The following DOCK1 variants were observed in gnomAD, a reference collection of about 807,000 sequenced individuals.
The protein encoded by DOCK1 is dedicator of cytokinesis protein 1.
DOCK1 carries 138 observed loss-of-function variants against 262.7 expected under a neutral mutation model. The ratio of observed to expected loss-of-function variants is 0.53; its 90% CI spans 0.46 to 0.61. The LOEUF is 0.61. Ranked by LOEUF, DOCK1 falls within the 20% of genes least tolerant of loss-of-function variation. The pLI is 0.00. For missense variants in DOCK1, 1,908 were observed against 2,370.7 expected (o/e 0.80, Z 4.05); for synonymous variants, 866 against 867.4 (o/e 1.00, Z 0.03).
intron 32 of DOCK1, among the ~76,000 whole-genome samples, chr10:127,361,006 G>T (rs10765002): frequency 0.54 from 81,573 of 151,480 alleles, 22,605 homozygotes; most frequent in African/African-American, 0.67. Context: ...ATCATATTCA[G>T]TATTATTCAC....
chr10:127,055,340 C>T (rs1304135965), intron 22 of DOCK1, among the ~76,000 whole-genome samples: 3 of 152,194 alleles, frequency 2.0e-5, no homozygotes, highest in African/African-American at 7.2e-5. Flanking sequence ...CCAGCATCAG[C>T]TCTGCATTCC....
At chr10:127,069,388 C>T (rs11015993) in intron 23 of DOCK1, among the ~76,000 whole-genome samples, 27,225 of 152,126 alleles carry the variant, frequency 0.18, 2,592 homozygotes, top group South Asian at 0.33. Context: ...CGAATCAGGG[C>T]CTGGAGCAAA....
intron 27 of DOCK1, among the ~76,000 whole-genome samples, chr10:127,156,847 C>T (rs1427882985): frequency 2.6e-5 from 4 of 152,160 alleles, no homozygotes; most frequent in Admixed American, 6.5e-5. Context: ...GGATTACAGG[C>T]GTGTGCCACC....
rs2065369303 is a variant in DOCK1 at position 127,374,364 on chromosome 10, G to A, written c.3675+150G>A. 5 of 1,132,056 alleles carry A rather than the reference G, an allele frequency of 4.4e-6. No homozygotes were observed. In the South Asian group the frequency reaches 5.5e-5, roughly 12 times the overall value. The allele number at this position is 1,132,056 out of a possible 1,614,324, so 70.1% of individuals were successfully genotyped here. On this transcript the variant is annotated intron_variant, in intron 35 of 51. Transcript: ENST00000623213. ...CGCTTGTTTCCTCATCTGCTGCAGGGAAGGAATCATGAAGTCGTCCACTCT... is the reference window on the plus strand; with the variant it reads ...CGCTTGTTTCCTCATCTGCTGCAGGAAAGGAATCATGAAGTCGTCCACTCT...
intron 29 of DOCK1, among the ~76,000 whole-genome samples, chr10:127,268,017 A>G (rs897852052): frequency 2.0e-5 from 3 of 152,172 alleles, no homozygotes; most frequent in Admixed American, 6.6e-5. Flanking sequence ...AAAATCGACA[A>G]TGTCCAGACA....
chr10:127,363,005 G>GTA (rs2064661550), intron 33 of DOCK1, among the ~76,000 whole-genome samples: 1 of 30,724 alleles, frequency 3.3e-5, no homozygotes, highest in African/African-American at 1.6e-4. Context: ...ACACACACAC[G>GTA]CACATCCCCA....
intron 18 of DOCK1, among the ~76,000 whole-genome samples, chr10:127,034,304 GAA>G (rs913641752): frequency 8.5e-5 from 13 of 152,084 alleles, no homozygotes; most frequent in African/African-American, 1.2e-4. Context: ...GAGAGAGAGA[GAA>G]AGAGAGAGAG....
At chr10:126,941,701 G>A (rs2035016652) in intron 1 of DOCK1, among the ~76,000 whole-genome samples, 1 of 151,970 alleles carries the variant, frequency 6.6e-6, no homozygotes, top group Non-Finnish European at 1.5e-5. Flanking sequence ...CTTGCAGTGA[G>A]CCGAGATCGT....
chr10:127,265,139 A>G (rs545309917), intron 29 of DOCK1, among the ~76,000 whole-genome samples: 2 of 152,350 alleles, frequency 1.3e-5, no homozygotes, highest in South Asian at 4.1e-4. Context: ...GTTGGTTATA[A>G]TTGGACTTGT....
At chr10:127,346,081 G>C (rs371129978) in intron 31 of DOCK1, among the ~76,000 whole-genome samples, 1 of 152,212 alleles carries the variant, frequency 6.6e-6, no homozygotes, top group African/African-American at 2.4e-5. Context: ...AGTGTCCAGC[G>C]CCCGCTATTG....
chr10:127,313,795 G>T (rs191265826), intron 29 of DOCK1, among the ~76,000 whole-genome samples: 1 of 152,222 alleles, frequency 6.6e-6, no homozygotes, highest in African/African-American at 2.4e-5. Context: ...TCGCCTGAGG[G>T]CTGAGGGATT....
chr10:127,011,954 A>G (rs1010825942), intron 11 of DOCK1, among the ~76,000 whole-genome samples: 15 of 152,112 alleles, frequency 9.9e-5, no homozygotes, highest in Admixed American at 5.9e-4. Flanking sequence ...TTTAAACACA[A>G]GAGTCTGATG....
At chr10:127,132,661 T>C (rs943801590) in intron 27 of DOCK1, among the ~76,000 whole-genome samples, 2 of 152,102 alleles carry the variant, frequency 1.3e-5, no homozygotes, top group African/African-American at 2.4e-5. Flanking sequence ...CCATTGGGTG[T>C]GTGTTTTTCC....
chr10:127,027,613 AT>A (rs5788819), intron 16 of DOCK1, among the ~76,000 whole-genome samples: 147,484 of 152,236 alleles, frequency 0.97, 71,443 homozygotes, highest in East Asian at 1. Context: ...CAAAAAAAAC[AT>A]TAAACCTTCC....
chr10:127,052,309 GAGCTC>G (rs1408768030), intron 21 of DOCK1, among the ~76,000 whole-genome samples: 1 of 152,196 alleles, frequency 6.6e-6, no homozygotes. Flanking sequence ...TGGATTGCCT[GAGCTC>G]AGGAGTTTGA....
chr10:127,033,339 T>C (rs7079472), intron 18 of DOCK1, among the ~76,000 whole-genome samples: 141,963 of 152,278 alleles, frequency 0.93, 66,172 homozygotes, highest in African/African-American at 0.95. Context: ...GTGTGGGGTT[T>C]GGCCGATGCT....
At chr10:127,361,975 T>C in intron 32 of DOCK1, 89 bp from the exon 33 acceptor site, 1 of 1,339,378 alleles carries the variant, frequency 7.5e-7, no homozygotes, top group African/African-American at 1.5e-5. Context: ...AAAGTCACAG[T>C]GATCTGTGTT....
intron 27 of DOCK1, among the ~76,000 whole-genome samples, chr10:127,171,168 G>T (rs1294459495): frequency 6.6e-6 from 1 of 152,114 alleles, no homozygotes; most frequent in African/African-American, 2.4e-5. Flanking sequence ...ATTCTCTGCC[G>T]AAGCCATTTG....
intron 27 of DOCK1, among the ~76,000 whole-genome samples, chr10:127,213,432 G>T (rs900117142): frequency 6.6e-6 from 1 of 152,168 alleles, no homozygotes; most frequent in Non-Finnish European, 1.5e-5. Flanking sequence ...GAGCTAGGGT[G>T]GAATTTACAT....
Sources: allele counts gnomAD v4.1 joint callset (sites outside exome capture counted in the v4.1 genomes callset), GRCh38; gene constraint gnomAD v4.1.1; transcripts MANE v1.5; gene names NCBI Gene and HGNC (gene_info 2026-07-23, HGNC 2026-07-21).